DOK6: variants seen among roughly 807,000 people sequenced by gnomAD.
DOK6 encodes docking protein 6.
A neutral mutation model predicts 44.0 loss-of-function variants in DOK6; 22 were observed. That is an observed-to-expected ratio of 0.50 (90% CI 0.36 to 0.71). The LOEUF (loss-of-function observed/expected upper bound fraction) is 0.71. Among genes scored for constraint, DOK6 ranks in the 30% least tolerant of loss-of-function variants. The pLI is 0.00. For missense variants in DOK6, 340 were observed against 416.4 expected (o/e 0.82, Z 1.60); for synonymous variants, 166 against 145.5 (o/e 1.14, Z -1.01).
At chr18:69,603,011 G>A (rs1306971202) in intron 3 of DOK6, among the ~76,000 whole-genome samples, 1 of 152,182 alleles carries the variant, frequency 6.6e-6, no homozygotes, top group Admixed American at 6.5e-5. Flanking sequence ...AATGTTAGAT[G>A]TTTACCTAGT....
At chr18:69,681,625 G>A (rs1405120256) in intron 4 of DOK6, among the ~76,000 whole-genome samples, 10 of 152,136 alleles carry the variant, frequency 6.6e-5, no homozygotes, top group Admixed American at 6.5e-4. Flanking sequence ...TGCATACTTG[G>A]TAGACATTTC....
chr18:69,816,283 C>T (rs763601074), intron 7 of DOK6, among the ~76,000 whole-genome samples: 11 of 152,160 alleles, frequency 7.2e-5, no homozygotes, highest in Admixed American at 1.3e-4. Flanking sequence ...GACATTGAAA[C>T]GACAGCAGCT....
Position 69,847,175 on chromosome 18 carries a change from TC to T in DOK6, c.*5794del, listed in dbSNP as rs1982363499. The T allele has an allele frequency of 6.6e-6, 1 of 152,186 alleles. No individual in the cohort carries two copies. The highest frequency in any genetic ancestry group is 6.5e-5 in the Admixed American group (1 of 15,278). The allele number at this position is 152,186 out of a possible 1,614,324, so 9.4% of individuals were successfully genotyped here. On this transcript the variant is annotated 3_prime_UTR_variant, in exon 8 of 8. Transcript: ENST00000382713. ...CCATGCCTGCTTCCCTAGTCTGAAC[TC>T]CACATTCCAGTTGTCAGAAGAATGA...
chr18:69,552,362 A>G (rs1014067921), intron 1 of DOK6, among the ~76,000 whole-genome samples: 1 of 151,970 alleles, frequency 6.6e-6, no homozygotes, highest in African/African-American at 2.4e-5. Context: ...TATAGCAAGC[A>G]TTATACTAAA....
intron 4 of DOK6, among the ~76,000 whole-genome samples, chr18:69,689,438 C>T (rs1986218598): frequency 6.6e-6 from 1 of 152,074 alleles, no homozygotes. Context: ...TCATAAACAT[C>T]TAAAGAAAAG....
intron 5 of DOK6, among the ~76,000 whole-genome samples, chr18:69,732,898 G>A (rs116611791): frequency 0.029 from 4,374 of 152,246 alleles, 76 homozygotes; most frequent in Non-Finnish European, 0.036. Flanking sequence ...AGAATTATCC[G>A]AGACCGGGTA....
At chr18:69,510,779 T>C (rs868760728) in intron 1 of DOK6, among the ~76,000 whole-genome samples, 1 of 152,186 alleles carries the variant, frequency 6.6e-6, no homozygotes, top group Non-Finnish European at 1.5e-5. Flanking sequence ...ATTGTAACTT[T>C]AGTAAAATAA....
intron 1 of DOK6, among the ~76,000 whole-genome samples, chr18:69,544,377 A>C (rs1220765110): frequency 6.6e-6 from 1 of 151,732 alleles, no homozygotes. Flanking sequence ...ACTGTACACA[A>C]GGAATAAAAG....
chr18:69,745,990 A>G (rs2144743902), intron 6 of DOK6, among the ~76,000 whole-genome samples: 1 of 152,334 alleles, frequency 6.6e-6, no homozygotes, highest in South Asian at 2.1e-4. Context: ...CCAAAATTTG[A>G]TTTTAAATCA....
intron 7 of DOK6, among the ~76,000 whole-genome samples, chr18:69,825,464 C>G (rs1568137527): frequency 3.0e-5 from 3 of 100,344 alleles, no homozygotes; most frequent in Non-Finnish European, 3.6e-5. Context: ...GAGACGGAGT[C>G]TTGCTCTGTC....
chr18:69,627,963 T>C (rs553742809), intron 3 of DOK6, among the ~76,000 whole-genome samples: 110 of 152,308 alleles, frequency 7.2e-4, no homozygotes, highest in Middle Eastern at 6.8e-3. Context: ...CTGCATAAAA[T>C]AGAAAAGATA....
chr18:69,628,334 A>C (rs1050106147), intron 3 of DOK6, among the ~76,000 whole-genome samples: 1 of 152,164 alleles, frequency 6.6e-6, no homozygotes, highest in Non-Finnish European at 1.5e-5. Context: ...TTACTAAAAT[A>C]TAAAACTTAT....
At chr18:69,549,020 C>T (rs1409815933) in intron 1 of DOK6, among the ~76,000 whole-genome samples, 3 of 148,320 alleles carry the variant, frequency 2.0e-5, no homozygotes, top group Non-Finnish European at 4.5e-5. Flanking sequence ...GCGTGAACCC[C>T]GGGTGACGGA....
chr18:69,630,701 A>C (rs1018409855), intron 3 of DOK6, among the ~76,000 whole-genome samples: 1 of 152,212 alleles, frequency 6.6e-6, no homozygotes, highest in Admixed American at 6.5e-5. Flanking sequence ...TCAAAGCCCC[A>C]GGCATTAGTT....
chr18:69,576,248 A>C (rs1983236093), intron 2 of DOK6, among the ~76,000 whole-genome samples: 1 of 151,672 alleles, frequency 6.6e-6, no homozygotes, highest in African/African-American at 2.4e-5. Context: ...CATCATCAAG[A>C]TGGCTTAGAG....
chr18:69,481,067 G>C (rs1980404434), intron 1 of DOK6, among the ~76,000 whole-genome samples: 1 of 152,036 alleles, frequency 6.6e-6, no homozygotes, highest in South Asian at 2.1e-4. Context: ...AGGATTGGGA[G>C]ACCCAGCCAA....
At chr18:69,444,982 T>A (rs1336919002) in intron 1 of DOK6, among the ~76,000 whole-genome samples, 1 of 152,208 alleles carries the variant, frequency 6.6e-6, no homozygotes, top group African/African-American at 2.4e-5. Flanking sequence ...AATGCCTTTC[T>A]ATTTATTTCT....
intron 1 of DOK6, among the ~76,000 whole-genome samples, chr18:69,443,678 C>T (rs1979198451): frequency 1.3e-5 from 2 of 152,146 alleles, no homozygotes; most frequent in African/African-American, 4.8e-5. Flanking sequence ...CCGGCATTTT[C>T]TTGTGTTACT....
At chr18:69,665,529 C>T (rs1357666710) in intron 3 of DOK6, among the ~76,000 whole-genome samples, 3 of 152,138 alleles carry the variant, frequency 2.0e-5, no homozygotes, top group Admixed American at 2.0e-4. Flanking sequence ...GAAGTGATGT[C>T]ATTTTCTGGG....
Sources: allele counts gnomAD v4.1 joint callset (sites outside exome capture counted in the v4.1 genomes callset), GRCh38; gene constraint gnomAD v4.1.1; transcripts MANE v1.5; gene names NCBI Gene and HGNC (gene_info 2026-07-23, HGNC 2026-07-21).